Variants in NFILZ observed in about 807,000 individuals in gnomAD.
NFILZ encodes the protein NFIL3 like basic leucine zipper, also known as NFIL3 like protein.
At chr19:8,660,741 G>A (rs1268000186) in intron 3 of NFILZ, among the ~76,000 whole-genome samples, 2 of 150,388 alleles carry the variant, frequency 1.3e-5, no homozygotes, top group African/African-American at 2.4e-5. Flanking sequence ...AGGTTCAAGC[G>A]ATTCTCCTGC....
At chr19:8,645,897 C>T (rs10406789) in intron 3 of NFILZ, among the ~76,000 whole-genome samples, 1,851 of 152,156 alleles carry the variant, frequency 0.012, 42 homozygotes, top group African/African-American at 0.043. Context: ...ACTGTGAAAA[C>T]GAAGATGATA....
In NFILZ at chr19:8,642,722, C is replaced by T. The variant is rs116317571; in HGVS notation, c.-164+6976C>T. Among the ~76,000 whole-genome samples the T allele has an allele frequency of 7.6e-3, 1,157 of 152,168 alleles. 13 individuals carry two copies. Among genetic ancestry groups the T allele is most frequent in the African/African-American group, 0.026 (1,095 of 41,492 alleles). On this transcript the variant is annotated intron_variant, in intron 3 of 5. Transcript: ENST00000691075. ...AAAAGCAGAGAATATAGCCCTAATG[C>T]GCAAGAACTTCCCCTTGTGTCATGT...
intron 5 of NFILZ, among the ~76,000 whole-genome samples, 22 bp downstream of exon 5, chr19:8,676,478 G>C (rs1555750722): frequency 6.6e-6 from 1 of 152,186 alleles, no homozygotes; most frequent in African/African-American, 2.4e-5. Context: ...ACCCCTGGAA[G>C]AGCATGTGTC....
At chr19:8,633,741 C>T (rs1401541681) in intron 2 of NFILZ, among the ~76,000 whole-genome samples, 2 of 152,202 alleles carry the variant, frequency 1.3e-5, no homozygotes, top group African/African-American at 4.8e-5. Context: ...GGCCCCCTGC[C>T]TCCTGGTCAA....
chr19:8,678,155 A>G lies in NFILZ; in HGVS notation c.*520A>G, dbSNP rs1555751010. 1.1e-4 allele frequency among the ~76,000 whole-genome samples: 1 copy of G among 8,888 alleles called. No individual in the cohort carries two copies. The highest frequency in any genetic ancestry group is 1.2e-3 in the Admixed American group (1 of 860). The allele number at this position is 8,888 out of a possible 152,430, so 5.8% of individuals were successfully genotyped here. On this transcript the variant is annotated 3_prime_UTR_variant, in exon 6 of 6. Transcript: ENST00000691075. ...CATCCATTCATCCACTTGTCCGTCC[A>G]TCCATCCATCCATCCATCCATCCAT...
At chr19:8,674,882 C>G (rs1432881557) in intron 4 of NFILZ, among the ~76,000 whole-genome samples, 1 of 152,104 alleles carries the variant, frequency 6.6e-6, no homozygotes, top group East Asian at 1.9e-4. Flanking sequence ...CCTATACTCC[C>G]AATTTAGGAA....
At chr19:8,661,075 C>T (rs1600150278) in intron 3 of NFILZ, among the ~76,000 whole-genome samples, 2 of 89,748 alleles carry the variant, frequency 2.2e-5, no homozygotes, top group Non-Finnish European at 4.4e-5. Context: ...CCCCCTCCCT[C>T]CCTTCCTTCC....
intron 3 of NFILZ, among the ~76,000 whole-genome samples, chr19:8,647,839 C>A (rs1178652513): frequency 4.8e-5 from 5 of 103,332 alleles, no homozygotes; most frequent in African/African-American, 3.5e-5. Flanking sequence ...ACACACACAA[C>A]TGGGGCCTGT....
intron 3 of NFILZ, among the ~76,000 whole-genome samples, chr19:8,635,983 C>T (rs987576468): frequency 1.4e-4 from 21 of 152,062 alleles, no homozygotes; most frequent in African/African-American, 4.1e-4. Context: ...ATTACAGGTG[C>T]GCACCACCAC....
At chr19:8,656,403 TTCTCTCTGAAACCCACCTCTTTCC>T (rs2042999215) in intron 3 of NFILZ, among the ~76,000 whole-genome samples, 16 of 97,166 alleles carry the variant, frequency 1.6e-4, no homozygotes, top group East Asian at 3.8e-4. Context: ...GCAGCCCACC[TTCTCTCTGAAACCCACCTCTTTCC>T]GCAGCCCACC....
rs561590915 is a variant in NFILZ at position 8,678,864 on chromosome 19, A to G, written c.*1229A>G. ...ACCTTCCTTTTGTGCCCAGTTAGTG[A>G]CAAGTGAGAAGACACTTTTCTGGTC... On this transcript the variant is annotated 3_prime_UTR_variant, in exon 6 of 6. Coordinates refer to ENST00000691075, the MANE Select transcript of NFILZ (RefSeq NM_001378600.1). Among the ~76,000 whole-genome samples the G allele has an allele frequency of 1.4e-3, 214 of 152,292 alleles. No individual in the cohort carries two copies. The highest frequency in any genetic ancestry group is 2.3e-3 in the Non-Finnish European group (158 of 68,024).
intron 3 of NFILZ, among the ~76,000 whole-genome samples, chr19:8,642,101 C>T (rs571863077): frequency 6.6e-6 from 1 of 152,142 alleles, no homozygotes; most frequent in East Asian, 1.9e-4. Flanking sequence ...CTTAGCCTCC[C>T]AAAGTGCTGG....
chr19:8,650,161 GT>G (rs1184347591), intron 3 of NFILZ, among the ~76,000 whole-genome samples: 149 of 145,208 alleles, frequency 1.0e-3, no homozygotes, highest in Non-Finnish European at 1.6e-3. Flanking sequence ...TACAGCTGAG[GT>G]TTTTTTTTTT....
At chr19:8,647,571 C>T (rs1375691877) in intron 3 of NFILZ, among the ~76,000 whole-genome samples, 1 of 148,296 alleles carries the variant, frequency 6.7e-6, no homozygotes, top group African/African-American at 2.5e-5. Context: ...ACATTCTGTC[C>T]CCGCACCCCC....
chr19:8,655,779 C>G (rs564022042), intron 3 of NFILZ, among the ~76,000 whole-genome samples: 1 of 152,236 alleles, frequency 6.6e-6, no homozygotes, highest in East Asian at 1.9e-4. Flanking sequence ...TCTGTCCTTT[C>G]TCTCTGGCGC....
At chr19:8,644,102 T>C (rs2967719) in intron 3 of NFILZ, among the ~76,000 whole-genome samples, 30,467 of 151,968 alleles carry the variant, frequency 0.2, 3,383 homozygotes, top group Middle Eastern at 0.34. Context: ...ATTGATTGAT[T>C]GATTGATTGA....
intron 4 of NFILZ, among the ~76,000 whole-genome samples, 168 bp downstream of exon 4, chr19:8,674,768 A>G (rs1555750573): frequency 1.3e-5 from 2 of 152,152 alleles, no homozygotes; most frequent in East Asian, 1.9e-4. Context: ...TCCTCTGTCA[A>G]ACATGACCTG....
At chr19:8,638,637 AAG>A (rs1252137272) in intron 3 of NFILZ, 4 of 152,116 alleles carry the variant, frequency 2.6e-5, no homozygotes, top group African/African-American at 9.7e-5. Flanking sequence ...AATAAAGATG[AAG>A]AGTTGGTCAA....
chr19:8,664,366 C>G (rs1319950746), intron 3 of NFILZ, among the ~76,000 whole-genome samples: 1 of 152,182 alleles, frequency 6.6e-6, no homozygotes, highest in Admixed American at 6.5e-5. Flanking sequence ...GCCCACCCCC[C>G]ACTTCCTGCC....
Sources: allele counts gnomAD v4.1 joint callset (sites outside exome capture counted in the v4.1 genomes callset), GRCh38; gene constraint gnomAD v4.1.1; transcripts MANE v1.5; gene names NCBI Gene and HGNC (gene_info 2026-07-23, HGNC 2026-07-21).